LRRC7: variants seen among roughly 807,000 people sequenced by gnomAD.
The protein encoded by LRRC7 is leucine rich repeat containing 7.
A neutral mutation model predicts 175.7 loss-of-function variants in LRRC7; 23 were observed. That is an observed-to-expected ratio of 0.13 (90% confidence interval 0.09 to 0.19). The LOEUF is 0.19. Ranked by LOEUF, LRRC7 falls within the 10% of genes least tolerant of loss-of-function variation. LRRC7 has a pLI of 1.00. For missense variants in LRRC7, 1,354 were observed against 1,904.7 expected, an observed-to-expected ratio of 0.71 and a Z score of 5.38; for synonymous variants, 685 against 680.9, an observed-to-expected ratio of 1.01 and a Z score of -0.09.
At chr1:70,041,739 A>T (rs1006587435) in intron 21 of LRRC7, among the ~76,000 whole-genome samples, 1 of 152,248 alleles carries the variant, frequency 6.6e-6, no homozygotes, top group Non-Finnish European at 1.5e-5. Context: ...AAAGGAAAAG[A>T]TAAAATTCTA....
Position 69,676,351 on chromosome 1 carries a change from C to A in LRRC7, c.3-2030C>A, listed in dbSNP as rs1013797032. Among the ~76,000 whole-genome samples the A allele has an allele frequency of 2.6e-5, 4 of 152,088 alleles. 1 individual carries two copies. The highest frequency in any genetic ancestry group is 6.6e-5 in the Admixed American group (1 of 15,240). ...ATGGTATGCATGCTATCAACCAGGA[C>A]AGTTATCAAAACCAGTGATATCCCT... On this transcript the variant is annotated intron_variant, in intron 1 of 26. Coordinates refer to ENST00000651989, the MANE Select transcript of LRRC7 (RefSeq NM_001370785.2).
At chr1:69,795,911 G>GT (rs139511941) in intron 4 of LRRC7, among the ~76,000 whole-genome samples, 19,277 of 94,816 alleles carry the variant, frequency 0.2, 2,116 homozygotes, top group African/African-American at 0.45. Context: ...ATTTTTTTTG[G>GT]GTTTTTTTTT....
At chr1:69,640,513 A>T (rs891241029) in intron 1 of LRRC7, among the ~76,000 whole-genome samples, 1 of 151,480 alleles carries the variant, frequency 6.6e-6, no homozygotes, top group African/African-American at 2.4e-5. Context: ...TTTAGAGAAC[A>T]CAAGGGTGTT....
chr1:70,038,553 C>A lies in LRRC7; in HGVS notation c.2729C>A (p.Pro910His), dbSNP rs771342490. The change falls in exon 21 of 27, where the codon CCT (proline) becomes CAT (histidine). Residue 910 changes from proline to histidine, a missense_variant. Transcript: ENST00000651989. ...LETTPTTSPL[P>H]ERKEHIKEST... The stretch of plus-strand genomic sequence containing the variant: ...ACAACCCCCACTACCAGCCCATTGC[C>A]TGAAAGGAAAGAACATATAAAGGAA... The A allele has an allele frequency of 1.2e-6, 2 of 1,614,094 alleles. No homozygotes were observed. The highest frequency in any genetic ancestry group is 1.7e-6 in the Non-Finnish European group (2 of 1,180,002).
intron 4 of LRRC7, among the ~76,000 whole-genome samples, chr1:69,811,878 C>T (rs1006158831): frequency 7.7e-6 from 1 of 130,016 alleles, no homozygotes; most frequent in East Asian, 1.9e-4. Context: ...ATGTAACAAA[C>T]CTGCACATTC....
intron 7 of LRRC7, among the ~76,000 whole-genome samples, chr1:69,878,984 C>A (rs1686300882): frequency 6.7e-6 from 1 of 149,528 alleles, no homozygotes; most frequent in South Asian, 2.1e-4. Flanking sequence ...GGATACATGT[C>A]ATTATACATT....
At chr1:69,841,606 A>G (rs150412593) in intron 7 of LRRC7, among the ~76,000 whole-genome samples, 173 of 152,108 alleles carry the variant, frequency 1.1e-3, no homozygotes, top group African/African-American at 4.1e-3. Flanking sequence ...ATACCATTTC[A>G]TTATTGTGTT....
intron 24 of LRRC7, among the ~76,000 whole-genome samples, chr1:70,083,984 A>G (rs2102152423): frequency 6.6e-6 from 1 of 152,216 alleles, no homozygotes; most frequent in East Asian, 1.9e-4. Flanking sequence ...ATCTTTTTTA[A>G]TAAACATAAA....
rs190703827 is a variant in LRRC7 at position 69,945,189 on chromosome 1, G to T, written c.711+13619G>T. 1.7e-3 allele frequency among the ~76,000 whole-genome samples: 260 copies of T among 152,144 alleles called. 1 individual carries two copies. The highest frequency in any genetic ancestry group is 2.3e-3 in the Non-Finnish European group (159 of 67,966). ...CATTTTGAGTTGATTTTTGCATATG[G>T]GGTGGAATAATGGTCCAATTTCATA... is the stretch of plus-strand genomic sequence containing the variant. On this transcript the variant is annotated intron_variant, in intron 8 of 26. Transcript: ENST00000651989.
At chr1:70,060,148 T>A (rs1661464862) in intron 23 of LRRC7, among the ~76,000 whole-genome samples, 1 of 151,988 alleles carries the variant, frequency 6.6e-6, no homozygotes, top group South Asian at 2.1e-4. Context: ...CAAAACCCTG[T>A]CTCTACTTTA....
intron 7 of LRRC7, among the ~76,000 whole-genome samples, chr1:69,886,487 CT>C (rs1222301774): frequency 6.6e-6 from 1 of 152,068 alleles, no homozygotes; most frequent in African/African-American, 2.4e-5. Context: ...TTCCTCCATC[CT>C]TTTATTTTGA....
At chr1:69,770,700 A>G (rs1672143403) in intron 3 of LRRC7, among the ~76,000 whole-genome samples, 1 of 152,202 alleles carries the variant, frequency 6.6e-6, no homozygotes, top group Admixed American at 6.6e-5. Context: ...AAGTTGCCCC[A>G]TTTTAAAATT....
rs542326497 is a variant in LRRC7 at position 70,136,118 on chromosome 1, A to ATT, written c.*14244_*14245dup. Among the ~76,000 whole-genome samples the ATT allele has an allele frequency of 4.4e-5, 6 of 135,062 alleles. No individual in the cohort carries two copies. The highest frequency in any genetic ancestry group is 1.6e-4 in the African/African-American group (6 of 36,598). The allele number at this position is 135,062 out of a possible 152,430, so 88.6% of individuals were successfully genotyped here. A position where few individuals can be genotyped will look rare whatever the true frequency, so the allele number is the denominator to read the frequency against. ...GTGTGTCTATATATCTTATCAGGCA[A>ATT]TTTTTTTTTTTTTTGCATTTCCACG... is the stretch of plus-strand genomic sequence containing the variant. On this transcript the variant is annotated 3_prime_UTR_variant, in exon 27 of 27. Transcript: ENST00000651989.
intron 2 of LRRC7, among the ~76,000 whole-genome samples, chr1:69,688,596 A>C (rs898526819): frequency 6.6e-6 from 1 of 151,874 alleles, no homozygotes; most frequent in Non-Finnish European, 1.5e-5. Flanking sequence ...TTTGCAGAGG[A>C]AGAAATGCTA....
intron 25 of LRRC7, among the ~76,000 whole-genome samples, chr1:70,098,912 T>C (rs1293780481): frequency 1.3e-5 from 2 of 152,126 alleles, no homozygotes; most frequent in Non-Finnish European, 2.9e-5. Flanking sequence ...ACTGGTACCA[T>C]TCCTTCTGAA....
chr1:69,592,657 C>G (rs1401449281), intron 1 of LRRC7, among the ~76,000 whole-genome samples: 2 of 152,020 alleles, frequency 1.3e-5, no homozygotes, highest in East Asian at 3.8e-4. Context: ...AAGAACGTAT[C>G]ATAGGAGTAG....
At chr1:69,681,158 C>T (rs1404853698) in intron 2 of LRRC7, among the ~76,000 whole-genome samples, 4 of 152,026 alleles carry the variant, frequency 2.6e-5, no homozygotes, top group Non-Finnish European at 4.4e-5. Flanking sequence ...GATGGTCATT[C>T]ATGTTTGATA....
rs775349948 is a variant in LRRC7 at position 69,678,376 on chromosome 1, T to C, written c.3-5T>C. 4.6e-5 allele frequency: 72 copies of C among 1,569,568 alleles called. No homozygotes were observed. Among genetic ancestry groups the C allele is most frequent in the Non-Finnish European group, 6.3e-5 (72 of 1,150,856 alleles). ...TGAAAATACTCTTCTGATTCTCTCT[T>C]ATAGGATGGAGAACCTAATAAGGGG... On this transcript the variant is annotated splice_polypyrimidine_tract_variant and splice_region_variant and intron_variant, in intron 1 of 26. Coordinates refer to ENST00000651989, the MANE Select transcript of LRRC7 (RefSeq NM_001370785.2).
chr1:69,716,292 T>C (rs1665339732), intron 2 of LRRC7: 1 of 415,066 alleles, frequency 2.4e-6, no homozygotes, highest in African/African-American at 2.1e-5. Context: ...ACACTATAAT[T>C]ACCAAATAGT....
Sources: gnomAD v4.1 joint callset for allele counts (sites outside exome capture counted in the v4.1 genomes callset) on GRCh38, gnomAD v4.1.1 for gene constraint, MANE v1.5 for transcripts, NCBI Gene and HGNC (gene_info 2026-07-23, HGNC 2026-07-21) for gene names.